Variants in ANO4 observed in about 807,000 individuals in gnomAD.
ANO4 encodes anoctamin 4.
In ANO4, 69 loss-of-function variants were observed where a neutral mutation model predicts 141.9. The observed-to-expected ratio is 0.49, with a 90% CI of 0.40 to 0.59. ANO4 has a LOEUF of 0.59. ANO4 is among the 20% of genes least tolerant of loss of function. The probability of loss-of-function intolerance (pLI) is 0.00; values close to 1 mark genes in which losing one functional copy is unlikely to be tolerated. For missense variants in ANO4, 894 were observed against 1,162.2 expected (o/e 0.77, Z 3.36); for synonymous variants, 350 against 394.3 (o/e 0.89, Z 1.33).
chr12:100,932,503 A>AC (rs1369095489), intron 3 of ANO4, among the ~76,000 whole-genome samples: 4 of 152,258 alleles, frequency 2.6e-5, no homozygotes, highest in South Asian at 4.1e-4. Context: ...AAAATAATTC[A>AC]TTAATTAGTT....
chr12:101,045,185 T>C (rs1386215879), intron 13 of ANO4, among the ~76,000 whole-genome samples: 1 of 152,252 alleles, frequency 6.6e-6, no homozygotes, highest in Non-Finnish European at 1.5e-5. Flanking sequence ...ACAGCTATAA[T>C]AATAGCTAGA....
At chr12:101,091,642 T>C (rs1187002370) in intron 17 of ANO4, among the ~76,000 whole-genome samples, 2 of 152,194 alleles carry the variant, frequency 1.3e-5, no homozygotes, top group Non-Finnish European at 2.9e-5. Context: ...TGTTTTCAAC[T>C]ACTTAACATA....
intron 2 of ANO4, among the ~76,000 whole-genome samples, chr12:100,735,898 C>G (rs771534151): frequency 5.2e-4 from 79 of 152,226 alleles, no homozygotes; most frequent in South Asian, 1.7e-3. Flanking sequence ...ACTATCTGCA[C>G]AGAGAGTTCA....
At chr12:101,121,019 G>A (rs191014976) in intron 26 of ANO4, among the ~76,000 whole-genome samples, 26 of 152,104 alleles carry the variant, frequency 1.7e-4, no homozygotes, top group African/African-American at 6.3e-4. Flanking sequence ...ACCATAATTT[G>A]GAAACATTTG....
At chr12:101,080,161 ACATGTATATATTTT>A (rs1375563761) in intron 15 of ANO4, among the ~76,000 whole-genome samples, 1 of 152,234 alleles carries the variant, frequency 6.6e-6, no homozygotes, top group Non-Finnish European at 1.5e-5. Context: ...TGAAGGGAAC[ACATGTATATATTTT>A]CATGTATAAA....
intron 9 of ANO4, among the ~76,000 whole-genome samples, chr12:101,028,596 A>G (rs112001665): frequency 0.085 from 12,977 of 152,252 alleles, 674 homozygotes; most frequent in South Asian, 0.15. Context: ...AGACCACCTC[A>G]CTGAAATAAG....
chr12:101,071,344 A>C (rs1057127591), intron 14 of ANO4, among the ~76,000 whole-genome samples: 22 of 152,160 alleles, frequency 1.4e-4, no homozygotes, highest in African/African-American at 5.3e-4. Context: ...CCATTAAAAA[A>C]AAAAAAAAGA....
chr12:101,037,155 T>G lies in ANO4; in HGVS notation c.897+5T>G. 6.2e-7 allele frequency: 1 copy of G among 1,613,648 alleles called. No homozygotes were observed. The highest frequency in any genetic ancestry group is 8.5e-7 in the Non-Finnish European group (1 of 1,179,652). ...GCTGCGTTTCCCCTGCATGAGGTAT[T>G]GTGCTGTCTTTAATCTTTATCTTTC... On this transcript the variant is annotated splice_donor_5th_base_variant and intron_variant, in intron 10 of 27. Transcript: ENST00000392977.
intron 1 of ANO4, among the ~76,000 whole-genome samples, chr12:100,847,056 G>A (rs908864066): frequency 6.6e-6 from 1 of 152,144 alleles, no homozygotes. Flanking sequence ...TGTTCCCTTA[G>A]CATCCTGGGC....
chr12:101,086,902 G>A, intron 17 of ANO4, 78 bp downstream of exon 17: 1 of 1,521,710 alleles, frequency 6.6e-7, no homozygotes, highest in South Asian at 1.2e-5. Context: ...GTTGCTAAGG[G>A]GATCTGGCCT....
chr12:100,891,045 T>G (rs1196313617), intron 1 of ANO4, among the ~76,000 whole-genome samples: 1 of 152,034 alleles, frequency 6.6e-6, no homozygotes, highest in Admixed American at 6.6e-5. Context: ...CTATGTAATA[T>G]GTAGCCTTTT....
intron 5 of ANO4, among the ~76,000 whole-genome samples, chr12:100,967,327 G>A (rs1162004800): frequency 3.3e-5 from 5 of 151,978 alleles, no homozygotes; most frequent in Non-Finnish European, 5.9e-5. Flanking sequence ...ATGTGGCAAG[G>A]AATACTTAAT....
At chr12:101,082,006 G>A (rs2049302464) in intron 15 of ANO4, among the ~76,000 whole-genome samples, 1 of 152,174 alleles carries the variant, frequency 6.6e-6, no homozygotes, top group Non-Finnish European at 1.5e-5. Flanking sequence ...GACTTCAGCA[G>A]ATGAATTTGG....
At chr12:101,109,126 G>A (rs546630888) in intron 22 of ANO4, among the ~76,000 whole-genome samples, 78 of 152,236 alleles carry the variant, frequency 5.1e-4, no homozygotes, top group African/African-American at 1.5e-3. Context: ...TGTCTCGTGC[G>A]TTTGCACAAT....
intron 14 of ANO4, 109 bp from the exon 15 acceptor site, chr12:101,079,084 A>T: frequency 1.1e-6 from 1 of 920,400 alleles, no homozygotes. Context: ...GATGATGCTT[A>T]CACTAACAAC....
intron 1 of ANO4, among the ~76,000 whole-genome samples, chr12:100,806,009 T>C (rs1466403766): frequency 1.3e-5 from 2 of 152,132 alleles, no homozygotes; most frequent in Non-Finnish European, 2.9e-5. Context: ...CAATGTTCTT[T>C]TTCTCTGTTG....
chr12:100,858,987 G>T (rs1171988932), intron 1 of ANO4: 3 of 152,162 alleles, frequency 2.0e-5, no homozygotes, highest in African/African-American at 7.2e-5. Context: ...GAGAAGAAGA[G>T]GAATGCTTGA....
At chr12:101,071,037 T>C (rs1050507197) in intron 14 of ANO4, among the ~76,000 whole-genome samples, 1 of 152,100 alleles carries the variant, frequency 6.6e-6, no homozygotes, top group Non-Finnish European at 1.5e-5. Flanking sequence ...GGCAGGGATG[T>C]GGAGAAGAGG....
intron 2 of ANO4, among the ~76,000 whole-genome samples, chr12:100,914,531 A>T (rs973864518): frequency 6.6e-6 from 1 of 152,228 alleles, no homozygotes; most frequent in African/African-American, 2.4e-5. Context: ...AATGACATGA[A>T]TATTTTTTGC....
Sources: allele counts gnomAD v4.1 joint callset (sites outside exome capture counted in the v4.1 genomes callset), GRCh38; gene constraint gnomAD v4.1.1; transcripts MANE v1.5; gene names NCBI Gene and HGNC (gene_info 2026-07-23, HGNC 2026-07-21).